LRP1B: variants seen among roughly 807,000 people sequenced by gnomAD.
LRP1B encodes the protein LDL receptor related protein 1B.
LRP1B carries 217 observed loss-of-function variants against 556.6 expected under a neutral mutation model. The observed-to-expected ratio is 0.39, with a 90% CI of 0.35 to 0.44. The LOEUF is 0.44. LRP1B is among the 20% of genes least tolerant of loss of function. LRP1B has a pLI of 1.00. For synonymous variants in LRP1B, 2,047 were observed against 1,865.8 expected (o/e 1.10, Z -2.50); for missense variants, 5,053 against 5,620.8 (o/e 0.90, Z 3.23).
At chr2:141,447,055 A>G (rs1681221086) in intron 3 of LRP1B, among the ~76,000 whole-genome samples, 1 of 151,988 alleles carries the variant, frequency 6.6e-6, no homozygotes, top group African/African-American at 2.4e-5. Context: ...TGCCAATCAA[A>G]TGTAGGTTTG....
At chr2:141,122,984 T>C (rs10928094) in intron 7 of LRP1B, among the ~76,000 whole-genome samples, 44,470 of 151,660 alleles carry the variant, frequency 0.29, 6,768 homozygotes, top group East Asian at 0.48. Flanking sequence ...TCATTCTCAG[T>C]AAACTATTGC....
intron 49 of LRP1B, among the ~76,000 whole-genome samples, chr2:140,521,394 T>G (rs1195665334): frequency 6.6e-6 from 1 of 152,044 alleles, no homozygotes; most frequent in Non-Finnish European, 1.5e-5. Context: ...GGGGACCTAT[T>G]TTTAGCATTC....
intron 23 of LRP1B, among the ~76,000 whole-genome samples, chr2:140,887,537 A>T (rs1693675133): frequency 6.6e-6 from 1 of 152,172 alleles, no homozygotes; most frequent in Admixed American, 6.5e-5. Flanking sequence ...ACTTAAATGT[A>T]AGAGCAGCAA....
intron 31 of LRP1B, among the ~76,000 whole-genome samples, chr2:140,815,060 T>C (rs147370703): frequency 0.015 from 2,223 of 151,938 alleles, 81 homozygotes; most frequent in Admixed American, 0.078. Flanking sequence ...TGTGGGCATA[T>C]ACTCAAGCAC....
At chr2:140,755,998 C>G (rs2104905354) in intron 35 of LRP1B, among the ~76,000 whole-genome samples, 1 of 151,962 alleles carries the variant, frequency 6.6e-6, no homozygotes, top group East Asian at 1.9e-4. Flanking sequence ...CTAATAAATT[C>G]AGCAATGTTG....
At chr2:141,849,969 G>A (rs780871615) in intron 1 of LRP1B, among the ~76,000 whole-genome samples, 2 of 151,640 alleles carry the variant, frequency 1.3e-5, no homozygotes, top group Non-Finnish European at 3.0e-5. Flanking sequence ...CTTTTTAGAA[G>A]AAACCATTTG....
chr2:141,660,318 G>T (rs1690166338), intron 2 of LRP1B, among the ~76,000 whole-genome samples: 1 of 152,116 alleles, frequency 6.6e-6, no homozygotes, highest in Admixed American at 6.6e-5. Flanking sequence ...TGTGCAACCC[G>T]TGGAGCAGAT....
At chr2:140,818,042 A>G (rs537658741) in intron 31 of LRP1B, among the ~76,000 whole-genome samples, 1 of 151,722 alleles carries the variant, frequency 6.6e-6, no homozygotes, top group East Asian at 1.9e-4. Context: ...TATACAATTT[A>G]AAAAAAATTG....
intron 15 of LRP1B, among the ~76,000 whole-genome samples, chr2:141,001,669 C>T (rs753204869): frequency 2.6e-5 from 4 of 152,040 alleles, no homozygotes; most frequent in Non-Finnish European, 5.9e-5. Context: ...CTGTAACTAC[C>T]AAAATAAGAG....
At chr2:141,014,791 C>A (rs141124252) in intron 13 of LRP1B, among the ~76,000 whole-genome samples, 1 of 151,986 alleles carries the variant, frequency 6.6e-6, no homozygotes, top group African/African-American at 2.4e-5. Context: ...TTATCTAGCA[C>A]CTGTTAAGTG....
chr2:141,741,439 T>C (rs1693702284), intron 2 of LRP1B, among the ~76,000 whole-genome samples: 1 of 152,052 alleles, frequency 6.6e-6, no homozygotes, highest in African/African-American at 2.4e-5. Context: ...CATTCCCTTT[T>C]CTCCACTTCC....
intron 6 of LRP1B, among the ~76,000 whole-genome samples, chr2:141,211,200 C>T (rs1378823180): frequency 6.6e-6 from 1 of 150,500 alleles, no homozygotes; most frequent in Non-Finnish European, 1.5e-5. Context: ...GTTGGCCAGG[C>T]TGGTCTCAAA....
chr2:141,528,272 G>A (rs114990210), intron 2 of LRP1B, among the ~76,000 whole-genome samples: 1 of 151,960 alleles, frequency 6.6e-6, no homozygotes, highest in African/African-American at 2.4e-5. Context: ...AATACCCGTT[G>A]TAGTTGTCCA....
At chr2:141,450,647 T>C (rs576660382) in intron 3 of LRP1B, among the ~76,000 whole-genome samples, 5 of 151,914 alleles carry the variant, frequency 3.3e-5, no homozygotes, top group Non-Finnish European at 5.9e-5. Flanking sequence ...CATGTATCAC[T>C]AAAATAAAAA....
intron 79 of LRP1B, among the ~76,000 whole-genome samples, chr2:140,329,639 T>A (rs969742908): frequency 2.6e-5 from 4 of 151,884 alleles, no homozygotes; most frequent in Admixed American, 6.6e-5. Context: ...TGAACTCCCA[T>A]TCACAGTTGC....
At chr2:140,802,732 TCATTTTATTACAGTCAGGG>T (rs2105011782) in intron 32 of LRP1B, among the ~76,000 whole-genome samples, 1 of 152,334 alleles carries the variant, frequency 6.6e-6, no homozygotes, top group African/African-American at 2.4e-5. Context: ...CTGTTATTTC[TCATTTTATTACAGTCAGGG>T]CATTACATTT....
intron 3 of LRP1B, among the ~76,000 whole-genome samples, chr2:141,394,621 G>A (rs1281605880): frequency 6.6e-6 from 1 of 152,044 alleles, no homozygotes; most frequent in Non-Finnish European, 1.5e-5. Flanking sequence ...ACTAAATGGT[G>A]TATCAATGTC....
chr2:140,323,729 ATAGTTTGGTAAGTTGAAAAAGTC>A (rs1424061769), intron 81 of LRP1B, among the ~76,000 whole-genome samples, 141 bp downstream of exon 81: 1 of 152,058 alleles, frequency 6.6e-6, no homozygotes, highest in Non-Finnish European at 1.5e-5. Context: ...AGAATTATCT[ATAGTTTGGTAAGTTGAAAAAGTC>A]TAGTGACATC....
At chr2:140,852,897 C>A (rs1219653388) in intron 27 of LRP1B, among the ~76,000 whole-genome samples, 4 of 151,498 alleles carry the variant, frequency 2.6e-5, no homozygotes, top group African/African-American at 9.7e-5. Context: ...TTTATAGAAC[C>A]TATCTAGTAG....
Sources: allele counts gnomAD v4.1 joint callset (sites outside exome capture counted in the v4.1 genomes callset), GRCh38; gene constraint gnomAD v4.1.1; transcripts MANE v1.5; gene names NCBI Gene and HGNC (gene_info 2026-07-23, HGNC 2026-07-21).